The following CNNM4 variants were observed in gnomAD, a reference collection of about 807,000 sequenced individuals.
CNNM4 encodes metal transporter CNNM4.
In CNNM4, 32 loss-of-function variants were observed where a neutral mutation model predicts 53.7. The ratio of observed to expected loss-of-function variants is 0.60; its 90% CI spans 0.45 to 0.80. The LOEUF is 0.80. Among genes scored for constraint, CNNM4 ranks in the 30% least tolerant of loss-of-function variants. The pLI, the probability that CNNM4 is intolerant of heterozygous loss-of-function variation, is 0.00. For missense variants in CNNM4, 784 were observed against 1,022.0 expected (o/e 0.77, Z 3.17); for synonymous variants, 410 against 440.0 (o/e 0.93, Z 0.85).
intron 5 of CNNM4, among the ~76,000 whole-genome samples, chr2:96,802,356 C>T (rs1053898255): frequency 6.6e-6 from 1 of 152,242 alleles, no homozygotes; most frequent in Non-Finnish European, 1.5e-5. Flanking sequence ...GGAGACGCAC[C>T]CCAGCGGGTA....
At chr2:96,771,156 C>T (rs1426715491) in intron 1 of CNNM4, among the ~76,000 whole-genome samples, 3 of 152,180 alleles carry the variant, frequency 2.0e-5, no homozygotes, top group Non-Finnish European at 4.4e-5. Context: ...TGCCCTGCGC[C>T]TCGCTTACCC....
At chr2:96,796,144 T>TG (rs1281118811) in intron 1 of CNNM4, among the ~76,000 whole-genome samples, 94 of 127,548 alleles carry the variant, frequency 7.4e-4, no homozygotes, top group Non-Finnish European at 1.3e-3. Flanking sequence ...TTTTTTTTTT[T>TG]TTTTTTTTTT....
chr2:96,807,560 C>A (rs999733203), intron 5 of CNNM4, among the ~76,000 whole-genome samples: 1 of 151,464 alleles, frequency 6.6e-6, no homozygotes, highest in Non-Finnish European at 1.5e-5. Flanking sequence ...AAAACAAAAC[C>A]AAAAAAACAA....
chr2:96,803,452 C>T (rs995925685), intron 5 of CNNM4, among the ~76,000 whole-genome samples: 1 of 152,226 alleles, frequency 6.6e-6, no homozygotes, highest in South Asian at 2.1e-4. Flanking sequence ...TGGCCGTGCG[C>T]GGTGGCTCAT....
At chr2:96,806,543 G>GCGCA (rs2079210370) in intron 5 of CNNM4, among the ~76,000 whole-genome samples, 2 of 139,790 alleles carry the variant, frequency 1.4e-5, no homozygotes, top group South Asian at 2.1e-4. Context: ...ACACGCGCGC[G>GCGCA]CGCGCGCGCG....
chr2:96,763,373 A>G (rs1226033102), intron 1 of CNNM4, among the ~76,000 whole-genome samples: 2 of 152,166 alleles, frequency 1.3e-5, no homozygotes, highest in Admixed American at 6.5e-5. Context: ...GAAACCCTCA[A>G]AGTGGCAGTA....
At chr2:96,767,248 C>T (rs1353494042) in intron 1 of CNNM4, among the ~76,000 whole-genome samples, 2 of 152,144 alleles carry the variant, frequency 1.3e-5, no homozygotes, top group African/African-American at 2.4e-5. Context: ...GCGTGCAAGA[C>T]GTGATGCTAG....
intron 1 of CNNM4, among the ~76,000 whole-genome samples, chr2:96,785,293 T>TCAGGA (rs1450611416): frequency 6.6e-6 from 1 of 152,168 alleles, no homozygotes; most frequent in African/African-American, 2.4e-5. Context: ...GTACATGTGC[T>TCAGGA]GTTATACTAG....
chr2:96,808,484 T>G lies in CNNM4; in HGVS notation c.1949-77T>G, dbSNP rs1405801388. On this transcript the variant is annotated intron_variant, in intron 5 of 6. Coordinates refer to ENST00000377075, the MANE Select transcript of CNNM4 (RefSeq NM_020184.4). This position sits in a 1 kb window ranked among gnomAD's most constrained non-coding sequence, Gnocchi z 4.9. ...TGGGTGGGGTGTCCCTGGGCTTCCA[T>G]GGGATGAGGTGAGACATGAGGGTGA... The G allele has an allele frequency of 2.7e-6, 4 of 1,489,394 alleles. No homozygotes were observed. The highest frequency in any genetic ancestry group is 2.8e-6 in the Non-Finnish European group (3 of 1,072,094). The allele number at this position is 1,489,394 out of a possible 1,614,324, so 92.3% of individuals were successfully genotyped here. A position where few individuals can be genotyped will look rare whatever the true frequency, so the allele number is the denominator to read the frequency against.
At chr2:96,782,794 G>A (rs1212003354) in intron 1 of CNNM4, among the ~76,000 whole-genome samples, 1 of 152,140 alleles carries the variant, frequency 6.6e-6, no homozygotes, top group Non-Finnish European at 1.5e-5. Flanking sequence ...GTTGGGGAGG[G>A]TAGGATTACT....
At chr2:96,799,842 TG>T (rs1161935777) in intron 5 of CNNM4, among the ~76,000 whole-genome samples, 194 bp downstream of exon 5, 1 of 151,866 alleles carries the variant, frequency 6.6e-6, no homozygotes, top group Non-Finnish European at 1.5e-5. Flanking sequence ...CCACTTTGGA[TG>T]GGGTCCAGAA....
At chr2:96,774,891 G>A (rs931578012) in intron 1 of CNNM4, among the ~76,000 whole-genome samples, 1 of 140,618 alleles carries the variant, frequency 7.1e-6, no homozygotes, top group African/African-American at 2.7e-5. Flanking sequence ...AACCCAGGAG[G>A]TGGAAGTTGC....
chr2:96,806,535 A>ACACACACACGCGCGCG (rs374638753), intron 5 of CNNM4, among the ~76,000 whole-genome samples: 1 of 123,944 alleles, frequency 8.1e-6, no homozygotes, highest in African/African-American at 2.9e-5. Flanking sequence ...ACACACACAC[A>ACACACACACGCGCGCG]CGCGCGCGCG....
Position 96,801,208 on chromosome 2 carries a change from C to A in CNNM4, c.1948+1560C>A. On this transcript the variant is annotated intron_variant, in intron 5 of 6. Transcript: ENST00000377075. This position sits in a 1 kb window ranked among gnomAD's most constrained non-coding sequence, Gnocchi z 5.6. ...GCACACTGCAGCTGCATTAACCTCC[C>A]CACATGGACCCGGACCCCCGCCTGC... is the stretch of plus-strand genomic sequence containing the variant. The A allele has an allele frequency of 1.2e-6, 1 of 812,344 alleles. No homozygotes were observed. Among genetic ancestry groups the A allele is most frequent in the Non-Finnish European group, 1.5e-6 (1 of 671,706 alleles). 50.3% of individuals were successfully genotyped at this position (812,344 alleles called of 1,614,324 possible). A position where few individuals can be genotyped will look rare whatever the true frequency, so the allele number is the denominator to read the frequency against.
At chr2:96,766,262 A>T (rs1174840327) in intron 1 of CNNM4, among the ~76,000 whole-genome samples, 1 of 151,522 alleles carries the variant, frequency 6.6e-6, no homozygotes, top group South Asian at 2.1e-4. Flanking sequence ...TTTAGTAGAG[A>T]TGGGGTTTCA....
intron 6 of CNNM4, among the ~76,000 whole-genome samples, chr2:96,809,002 GTTT>G (rs766235218): frequency 7.0e-6 from 1 of 142,234 alleles, no homozygotes; most frequent in African/African-American, 2.6e-5. Context: ...GTGGCTTCGG[GTTT>G]TTTTTTTTTT....
intron 1 of CNNM4, among the ~76,000 whole-genome samples, chr2:96,795,497 C>A (rs868301637): frequency 6.6e-5 from 10 of 152,176 alleles, no homozygotes; most frequent in Non-Finnish European, 1.5e-4. Flanking sequence ...ACCCCCCCCC[C>A]CATCACATGG....
intron 1 of CNNM4, chr2:96,788,823 T>C (rs1366213068): frequency 6.6e-6 from 1 of 152,162 alleles, no homozygotes; most frequent in Non-Finnish European, 1.5e-5. Flanking sequence ...GGACTCCTTC[T>C]TGGGTGGTGG....
At chr2:96,798,076 T>C (rs951573373) in intron 3 of CNNM4, among the ~76,000 whole-genome samples, 3 of 151,862 alleles carry the variant, frequency 2.0e-5, no homozygotes, top group Non-Finnish European at 2.9e-5. Flanking sequence ...TCCCAGCTAC[T>C]TGGGAGGCTA....
Sources: gnomAD v4.1 joint callset for allele counts (sites outside exome capture counted in the v4.1 genomes callset) on GRCh38, gnomAD v4.1.1 for gene constraint, Gnocchi (gnomAD v3.1) non-coding constraint, MANE v1.5 for transcripts, NCBI Gene and HGNC (gene_info 2026-07-23, HGNC 2026-07-21) for gene names.